MROH1: variants seen among roughly 807,000 people sequenced by gnomAD.
MROH1 encodes maestro heat-like repeat-containing protein family member 1.
In MROH1, 117 loss-of-function variants were observed where a neutral mutation model predicts 116.5. The ratio of observed to expected loss-of-function variants is 1.00; its 90% confidence interval spans 0.86 to 1.17. The LOEUF is 1.17. Among genes scored for constraint, MROH1 ranks in the 50% most tolerant of loss-of-function variants. The probability of loss-of-function intolerance (pLI) is 0.00; values close to 1 mark genes in which losing one functional copy is unlikely to be tolerated. For missense variants in MROH1, 1,873 were observed against 1,338.5 expected, an observed-to-expected ratio of 1.40 and a Z score of -6.23; for synonymous variants, 921 against 583.9, an observed-to-expected ratio of 1.58 and a Z score of -8.32.
At chr8:144,244,816 G>A (rs1395182035) in intron 28 of MROH1, among the ~76,000 whole-genome samples, 1 of 152,184 alleles carries the variant, frequency 6.6e-6, no homozygotes. Context: ...GCTCCTGACT[G>A]GGGGCCGCTA....
intron 14 of MROH1, among the ~76,000 whole-genome samples, chr8:144,236,345 C>T (rs1277843911): frequency 2.0e-5 from 3 of 152,100 alleles, no homozygotes; most frequent in African/African-American, 7.2e-5. Context: ...TGTCTATGCT[C>T]GGTTTCTGCA....
intron 31 of MROH1, 41 bp from the exon 32 acceptor site, chr8:144,248,836 T>C (rs989396899): frequency 6.5e-6 from 5 of 769,340 alleles, no homozygotes; most frequent in Non-Finnish European, 1.2e-5. Context: ...GCGTTGGGGG[T>C]GCCCCCCTTC....
rs567784117 is a variant in MROH1 at position 144,211,535 on chromosome 8, C to T, written c.1142-9065C>T. ...GGTCAGGAGTTCAAGACCAGCCTGACCAACATGGTGAAACCCCCCTCCCTA... is the reference window on the plus strand; with the variant it reads ...GGTCAGGAGTTCAAGACCAGCCTGATCAACATGGTGAAACCCCCCTCCCTA... On this transcript the variant is annotated intron_variant, in intron 12 of 43. Transcript: ENST00000326134. Among the ~76,000 whole-genome samples, 6 of 151,944 alleles carry T rather than the reference C, an allele frequency of 3.9e-5. No homozygotes were observed. In the East Asian group the frequency reaches 9.7e-4, roughly 25 times the overall value.
intron 4 of MROH1, among the ~76,000 whole-genome samples, chr8:144,169,356 C>T (rs565932783): frequency 1.6e-4 from 25 of 152,248 alleles, no homozygotes; most frequent in African/African-American, 5.8e-4. Context: ...CGTGGCCTGG[C>T]GGCACTTCCT....
chr8:144,191,981 G>A, intron 9 of MROH1, 126 bp downstream of exon 9: 1 of 1,124,630 alleles, frequency 8.9e-7, no homozygotes, highest in Admixed American at 2.1e-5. Flanking sequence ...CTCTGCTAAG[G>A]CTCAGTGGTG....
At chr8:144,166,555 G>T (rs995858307) in intron 3 of MROH1, among the ~76,000 whole-genome samples, 1 of 152,190 alleles carries the variant, frequency 6.6e-6, no homozygotes, top group Non-Finnish European at 1.5e-5. Flanking sequence ...CTAGAGCTCT[G>T]TCCAAGGGAT....
chr8:144,223,307 A>G (rs1837185278), intron 14 of MROH1, 77 bp downstream of exon 14: 11 of 1,517,320 alleles, frequency 7.2e-6, no homozygotes, highest in Middle Eastern at 2.2e-4. Flanking sequence ...ATCAGGAGCC[A>G]CTGGCCCAGC....
intron 18 of MROH1, 28 bp from the exon 19 acceptor site, chr8:144,240,073 G>A: frequency 2.6e-6 from 2 of 769,814 alleles, no homozygotes; most frequent in Non-Finnish European, 4.8e-6. Flanking sequence ...GTTTTGGGAT[G>A]GGCTGGCCTG....
intron 4 of MROH1, among the ~76,000 whole-genome samples, chr8:144,176,373 A>AG (rs1491385493): frequency 4.5e-4 from 2 of 4,452 alleles, no homozygotes; most frequent in Non-Finnish European, 0.025. Flanking sequence ...ACTGCATCTC[A>AG]AAAAAAAAAA....
At position 144,180,441 on chromosome 8, in the gene MROH1, C is replaced by A. The variant is rs1394235704; in HGVS notation, c.480C>A (p.Pro160=). 6.2e-7 allele frequency: 1 copy of A among 1,613,184 alleles called. No homozygotes were observed. The highest frequency in any genetic ancestry group is 1.1e-5 in the South Asian group (1 of 91,082). The change falls in exon 7 of 44, where the codon CCC becomes CCA. Residue 160 remains proline, a synonymous_variant. Transcript: ENST00000326134. The surrounding 1 kb of genome is among the most constrained non-coding windows in gnomAD (Gnocchi z 7.4). The stretch of plus-strand genomic sequence containing the variant: ...CTCTCACAGCGTTCGGCGTAGTCCC[C>A]TTCCTGCCATCCGTCCTGAGCTCCC... ...LSVANAFGVV[P]FLPSVLSSLL...
intron 1 of MROH1, among the ~76,000 whole-genome samples, chr8:144,156,339 G>A (rs1456080826): frequency 3.3e-5 from 5 of 151,632 alleles, no homozygotes; most frequent in South Asian, 4.2e-4. Flanking sequence ...ATAAGTGGAC[G>A]TTGGATTGTG....
At chr8:144,256,186 C>T (rs918668876) in intron 35 of MROH1, among the ~76,000 whole-genome samples, 2 of 152,284 alleles carry the variant, frequency 1.3e-5, no homozygotes, top group East Asian at 1.9e-4. Flanking sequence ...AGGTCCTACA[C>T]ACCTGCCTGG....
At chr8:144,161,769 C>A (rs1026942778) in intron 2 of MROH1, among the ~76,000 whole-genome samples, 2 of 152,192 alleles carry the variant, frequency 1.3e-5, no homozygotes, top group Non-Finnish European at 2.9e-5. Context: ...GGGTGCTGCA[C>A]GGTCGTGGAC....
intron 35 of MROH1, among the ~76,000 whole-genome samples, chr8:144,258,311 A>G (rs1844300749): frequency 6.6e-6 from 1 of 152,192 alleles, no homozygotes. Flanking sequence ...CTTGCCAGCC[A>G]GCCTCAGCCG....
intron 32 of MROH1, among the ~76,000 whole-genome samples, chr8:144,249,709 C>A (rs991482039): frequency 1.1e-4 from 16 of 152,314 alleles, no homozygotes; most frequent in South Asian, 6.2e-4. Flanking sequence ...ACAGCCCCCC[C>A]CAAGTCCCAT....
At chr8:144,189,526 T>C (rs1379674805) in intron 7 of MROH1, among the ~76,000 whole-genome samples, 1 of 152,082 alleles carries the variant, frequency 6.6e-6, no homozygotes, top group Non-Finnish European at 1.5e-5. Context: ...TCCATACCAC[T>C]CGAAGCCTGG....
At position 144,179,441 on chromosome 8, in the gene MROH1, G is replaced by A. The variant is rs1240975411; in HGVS notation, c.169-14G>A. The A allele has an allele frequency of 1.2e-6, 2 of 1,612,852 alleles. No homozygotes were observed. The highest frequency in any genetic ancestry group is 1.7e-6 in the Non-Finnish European group (2 of 1,179,470). On this transcript the variant is annotated splice_polypyrimidine_tract_variant and intron_variant, in intron 4 of 43. Coordinates refer to ENST00000326134, the MANE Select transcript of MROH1 (RefSeq NM_032450.3). ...GGCTCACCTGGGACCGACCTGGACGGTGTCTCTCCGCAGCTGGCACACCCA... is the reference window on the plus strand; with the variant it reads ...GGCTCACCTGGGACCGACCTGGACGATGTCTCTCCGCAGCTGGCACACCCA...
chr8:144,191,832 G>A lies in MROH1; in HGVS notation c.832G>A (p.Ala278Thr), dbSNP rs373821225. Reference sequence around the variant, plus strand: ...GATTCTCGCCCTCTACAAGAAGCACGCAGAGACCTTCTACTTGTCCAAGGT... The same window carrying A: ...GATTCTCGCCCTCTACAAGAAGCACACAGAGACCTTCTACTTGTCCAAGGT... ...PGILALYKKH[A>T]ETFYLSKSLG... The change falls in exon 9 of 44, where the codon GCA (alanine) becomes ACA (threonine). Residue 278 changes from alanine to threonine, a missense_variant. Ala to Thr is a moderately conservative substitution (Grantham distance 58). Coordinates refer to ENST00000326134, the MANE Select transcript of MROH1 (RefSeq NM_032450.3). 521 of 1,613,342 alleles carry A rather than the reference G, an allele frequency of 3.2e-4. No homozygotes were observed. The highest frequency in any genetic ancestry group is 1.1e-3 in the East Asian group (49 of 44,892).
chr8:144,182,039 G>A lies in MROH1; in HGVS notation c.562+1516G>A, dbSNP rs923127777. ...AGCGAAGATTCCATGGGACCTCCTC[G>A]TGTGGGACGTGTGCTCCCCACCACA... On this transcript the variant is annotated intron_variant, in intron 7 of 43. Coordinates refer to ENST00000326134, the MANE Select transcript of MROH1 (RefSeq NM_032450.3). This position sits in a 1 kb window ranked among gnomAD's most constrained non-coding sequence, Gnocchi z 4.1. 2.0e-5 allele frequency among the ~76,000 whole-genome samples: 3 copies of A among 152,178 alleles called. No homozygotes were observed. Among genetic ancestry groups the A allele is most frequent in the Admixed American group, 6.5e-5 (1 of 15,278 alleles).
Sources: gnomAD v4.1 joint callset for allele counts (sites outside exome capture counted in the v4.1 genomes callset) on GRCh38, gnomAD v4.1.1 for gene constraint, Gnocchi (gnomAD v3.1) non-coding constraint, MANE v1.5 for transcripts, NCBI Gene and HGNC (gene_info 2026-07-23, HGNC 2026-07-21) for gene names.